The following PRDM2 variants were observed in gnomAD, a reference collection of about 807,000 sequenced individuals.
PRDM2 encodes PR/SET domain 2, also known as PR domain zinc finger protein 2.
Under a neutral mutation model 130.0 loss-of-function variants are expected in PRDM2, and 30 were observed. The ratio of observed to expected loss-of-function variants is 0.23; its 90% CI spans 0.17 to 0.31. The LOEUF (loss-of-function observed/expected upper bound fraction) is 0.31, where lower values mean the gene tolerates loss of function less well. Ranked by LOEUF, PRDM2 falls within the 10% of genes least tolerant of loss-of-function variation. The probability of loss-of-function intolerance (pLI) is 1.00; values close to 1 mark genes in which losing one functional copy is unlikely to be tolerated. For synonymous variants in PRDM2, 871 were observed against 782.4 expected (o/e 1.11, Z -1.89); for missense variants, 2,011 against 2,108.4 (o/e 0.95, Z 0.90).
In PRDM2 at chr1:13,823,140, A is replaced by G. The variant is rs776532045; in HGVS notation, c.*24-19A>G. 1.9e-6 allele frequency: 3 copies of G among 1,605,420 alleles called. No homozygotes were observed. The South Asian group carries it at 3.3e-5, about 18-fold the overall frequency. ...ATGTGTGCTTACTGTTATTATTTTTATTTTCTTTTTCTCCTCAGCACCTGA... is the reference window on the plus strand; with the variant it reads ...ATGTGTGCTTACTGTTATTATTTTTGTTTTCTTTTTCTCCTCAGCACCTGA... On this transcript the variant is annotated intron_variant, in intron 9 of 9. Transcript: ENST00000311066.
Position 13,803,732 on chromosome 1 carries a change from G to T in PRDM2, c.5037-12695G>T, listed in dbSNP as rs2100737825. On this transcript the variant is annotated intron_variant, in intron 8 of 9. Transcript: ENST00000311066. This position sits in a 1 kb window ranked among gnomAD's most constrained non-coding sequence, Gnocchi z 6.2. ...CCGCGGGCAGGTTCTCCGGGCCGAG[G>T]TCACTGCAGGCCAGGCCGGGCCAGC... Among the ~76,000 whole-genome samples the T allele has an allele frequency of 1.3e-5, 2 of 152,306 alleles. No individual in the cohort carries two copies. The highest frequency in any genetic ancestry group is 3.4e-3 in the Middle Eastern group (1 of 294).
chr1:13,727,576 G>A (rs900005817), intron 2 of PRDM2, among the ~76,000 whole-genome samples: 1 of 151,786 alleles, frequency 6.6e-6, no homozygotes, highest in Admixed American at 6.6e-5. Flanking sequence ...TTTTTCATTC[G>A]CCACTGATCG....
intron 8 of PRDM2, among the ~76,000 whole-genome samples, chr1:13,794,656 C>A (rs1207652917): frequency 1.3e-5 from 2 of 152,208 alleles, no homozygotes; most frequent in African/African-American, 4.8e-5. Context: ...CCTGGAAGGA[C>A]CACAGATGCT....
At chr1:13,741,720 T>TTGTGTGTGTGTGTGTGTGTGTGTG (rs200384633) in intron 4 of PRDM2, among the ~76,000 whole-genome samples, 3 of 112,596 alleles carry the variant, frequency 2.7e-5, no homozygotes, top group African/African-American at 1.2e-4. Context: ...CTCTTTAAGT[T>TTGTGTGTGTGTGTGTGTGTGTGTG]TGTGTGTGTG....
intron 8 of PRDM2, among the ~76,000 whole-genome samples, chr1:13,815,760 G>C (rs901176745): frequency 2.0e-5 from 3 of 152,080 alleles, no homozygotes; most frequent in African/African-American, 7.2e-5. Context: ...GCGGTGGTTG[G>C]GGGTGCTTTT....
chr1:13,781,476 G>A lies in PRDM2; in HGVS notation c.3681G>A (p.Gly1227=), dbSNP rs754539188. 1.2e-6 allele frequency: 2 copies of A among 1,613,368 alleles called. No homozygotes were observed. Among genetic ancestry groups the A allele is most frequent in the Non-Finnish European group, 1.7e-6 (2 of 1,179,820 alleles). Residue 1227 remains glycine (G), a synonymous_variant, in exon 8 of 10, where the codon GGG becomes GGA. Coordinates refer to ENST00000311066, the MANE Select transcript of PRDM2 (RefSeq NM_001393986.1). The surrounding 1 kb of genome is among the most constrained non-coding windows in gnomAD (Gnocchi z 6.1). ...GCACACATCACGAGTTTGAAAGCGG[G>A]ACTCTGAGGCCCCAGAACTTTACAG... The part of the protein sequence containing the change: ...KVCTHHEFES[G]TLRPQNFTDP...
chr1:13,703,005 G>A (rs936823199), intron 1 of PRDM2, among the ~76,000 whole-genome samples: 2 of 152,266 alleles, frequency 1.3e-5, no homozygotes, highest in South Asian at 2.1e-4. Context: ...AGGGCTTCAC[G>A]CTTTGTGCGC....
chr1:13,737,252 T>G (rs1049712378), intron 4 of PRDM2, among the ~76,000 whole-genome samples: 2 of 152,232 alleles, frequency 1.3e-5, no homozygotes, highest in African/African-American at 4.8e-5. Context: ...AGAATGGTTT[T>G]TACATTTTTA....
chr1:13,745,467 C>T (rs981125444), intron 5 of PRDM2, among the ~76,000 whole-genome samples: 2 of 151,558 alleles, frequency 1.3e-5, no homozygotes, highest in Admixed American at 1.3e-4. Flanking sequence ...CTCTGTCGCC[C>T]AGGCTGGAGT....
rs1284881908 is a variant in PRDM2, at chr1:13,803,384, A to G, written c.5037-13043A>G. Reference sequence around the variant, plus strand: ...ATGGGTGAGAAGTGAATAGACTCCAACCGTGCTCTCCTGGTGCTCCCAGTC... The same window carrying G: ...ATGGGTGAGAAGTGAATAGACTCCAGCCGTGCTCTCCTGGTGCTCCCAGTC... On this transcript the variant is annotated intron_variant, in intron 8 of 9. Transcript: ENST00000311066. This position sits in a 1 kb window ranked among gnomAD's most constrained non-coding sequence, Gnocchi z 6.2. Among the ~76,000 whole-genome samples the G allele has an allele frequency of 2.0e-5, 3 of 152,076 alleles. No individual in the cohort carries two copies. The highest frequency in any genetic ancestry group is 7.2e-5 in the African/African-American group (3 of 41,416).
chr1:13,734,509 A>T (rs1643208971), intron 4 of PRDM2, among the ~76,000 whole-genome samples: 1 of 152,230 alleles, frequency 6.6e-6, no homozygotes, highest in South Asian at 2.1e-4. Context: ...GTTGTTGGGC[A>T]TATTGTATAA....
chr1:13,822,551 A>G (rs1197147922), intron 9 of PRDM2, among the ~76,000 whole-genome samples: 1 of 151,922 alleles, frequency 6.6e-6, no homozygotes, highest in East Asian at 1.9e-4. Context: ...ACCTGCCACC[A>G]TGCCTGGCTA....
At chr1:13,747,769 CAA>C (rs78988090) in intron 5 of PRDM2, among the ~76,000 whole-genome samples, 7 of 48,390 alleles carry the variant, frequency 1.4e-4, no homozygotes, top group Admixed American at 2.5e-4. Flanking sequence ...TCCCTCCCCG[CAA>C]AAAAAAAAAA....
intron 6 of PRDM2, among the ~76,000 whole-genome samples, chr1:13,753,939 C>T (rs982417018): frequency 6.6e-6 from 1 of 152,180 alleles, no homozygotes; most frequent in Non-Finnish European, 1.5e-5. Context: ...TGACAAGGGT[C>T]CCTGTTCACA....
At chr1:13,708,593 T>C (rs942389864) in intron 1 of PRDM2, among the ~76,000 whole-genome samples, 4 of 152,200 alleles carry the variant, frequency 2.6e-5, no homozygotes, top group Non-Finnish European at 5.9e-5. Context: ...AGTCAGGGCC[T>C]GCGATAGTTG....
intron 8 of PRDM2, among the ~76,000 whole-genome samples, chr1:13,815,273 AT>A (rs34708793): frequency 1 from 151,471 of 151,608 alleles, 75,667 homozygotes; most frequent in Middle Eastern, 1. Flanking sequence ...CGCCTGGACA[AT>A]TTTTTTTTTG....
intron 1 of PRDM2, among the ~76,000 whole-genome samples, chr1:13,711,410 G>C (rs996306351): frequency 2.0e-5 from 3 of 147,552 alleles, no homozygotes; most frequent in African/African-American, 7.6e-5. Flanking sequence ...TCGTCACATG[G>C]TTACCACATT....
chr1:13,778,809 A>G lies in PRDM2; in HGVS notation c.1014A>G (p.Thr338=). 6.2e-7 allele frequency: 1 copy of G among 1,614,178 alleles called. No individual in the cohort carries two copies. The highest frequency in any genetic ancestry group is 1.1e-5 in the South Asian group (1 of 91,080). The part of the protein sequence containing the change: ...EETLEDCSEV[T]PAMQIPRTKE... ...CTCTTGAAGACTGCTCAGAGGTAAC[A>G]CCTGCCATGCAAATCCCCAGAACTA... Residue 338 remains threonine, a synonymous_variant, in exon 8 of 10, where the codon ACA becomes ACG. Coordinates refer to ENST00000311066, the MANE Select transcript of PRDM2 (RefSeq NM_001393986.1).
intron 8 of PRDM2, among the ~76,000 whole-genome samples, chr1:13,792,979 G>A (rs184845478): frequency 1.3e-5 from 2 of 152,334 alleles, no homozygotes; most frequent in Admixed American, 1.3e-4. Context: ...ACTACAATTT[G>A]AAACCACCTA....
Sources: gnomAD v4.1 joint callset for allele counts (sites outside exome capture counted in the v4.1 genomes callset) on GRCh38, gnomAD v4.1.1 for gene constraint, Gnocchi (gnomAD v3.1) non-coding constraint, MANE v1.5 for transcripts, NCBI Gene and HGNC (gene_info 2026-07-23, HGNC 2026-07-21) for gene names.